SYNPO2: variants seen among roughly 807,000 people sequenced by gnomAD.
SYNPO2 encodes the protein synaptopodin-2.
SYNPO2 carries 56 observed loss-of-function variants against 85.0 expected under a neutral mutation model. The ratio of observed to expected loss-of-function variants is 0.66; its 90% CI spans 0.53 to 0.82. The LOEUF (loss-of-function observed/expected upper bound fraction) is 0.82, where lower values mean the gene tolerates loss of function less well. Ranked by LOEUF, SYNPO2 falls within the 40% of genes least tolerant of loss-of-function variation. SYNPO2 has a pLI of 0.00. For missense variants in SYNPO2, 1,575 were observed against 1,534.2 expected, an observed-to-expected ratio of 1.03 and a Z score of -0.44; for synonymous variants, 602 against 591.1, an observed-to-expected ratio of 1.02 and a Z score of -0.27.
At chr4:119,009,422 C>A (rs1178225597) in intron 1 of SYNPO2, among the ~76,000 whole-genome samples, 2 of 152,130 alleles carry the variant, frequency 1.3e-5, no homozygotes, top group African/African-American at 2.4e-5. Context: ...ATCTTCTAGT[C>A]TCCTTGAAAA....
intron 1 of SYNPO2, among the ~76,000 whole-genome samples, chr4:118,891,006 A>G (rs2149113739): frequency 6.6e-6 from 1 of 152,128 alleles, no homozygotes; most frequent in East Asian, 1.9e-4. Context: ...TCTGCATGTG[A>G]CGATTTCAAT....
At position 119,012,343 on chromosome 4, in the gene SYNPO2, T is replaced by C. The variant is rs1291306948; in HGVS notation, c.106-11087T>C. On this transcript the variant is annotated intron_variant, in intron 1 of 4. Coordinates refer to ENST00000307142, the MANE Select transcript of SYNPO2 (RefSeq NM_133477.3). ...GGTTGTTGGTTTTAGTCTTGCTCTT[T>C]TAGCACATGGTTCCTTTTTTTTCCC... 2.0e-5 allele frequency among the ~76,000 whole-genome samples: 3 copies of C among 151,824 alleles called. No homozygotes were observed. In the East Asian group the frequency reaches 5.8e-4, roughly 29 times the overall value.
intron 1 of SYNPO2, among the ~76,000 whole-genome samples, chr4:118,864,986 G>A (rs193050763): frequency 4.6e-5 from 7 of 152,270 alleles, no homozygotes; most frequent in African/African-American, 7.2e-5. Flanking sequence ...TCAAGGCATC[G>A]TAAAGGCAGA....
chr4:118,885,648 C>CT (rs1732186468), upstream of SYNPO2, among the ~76,000 whole-genome samples: 2 of 151,810 alleles, frequency 1.3e-5, no homozygotes, highest in South Asian at 4.2e-4. Flanking sequence ...AATTTTTGTA[C>CT]TTTTGGTAGA....
chr4:118,858,220 A>G (rs1731542959), intron 1 of SYNPO2, among the ~76,000 whole-genome samples: 1 of 151,994 alleles, frequency 6.6e-6, no homozygotes, highest in Non-Finnish European at 1.5e-5. Context: ...CAGGGAAGAT[A>G]GGGTCTCTCC....
intron 1 of SYNPO2, among the ~76,000 whole-genome samples, chr4:118,920,900 T>C (rs1056865467): frequency 2.0e-5 from 3 of 151,718 alleles, no homozygotes; most frequent in African/African-American, 7.3e-5. Context: ...TTTTTTCCTT[T>C]TTTTTTTTCT....
At chr4:118,881,386 C>T (rs114089324) in intron 1 of SYNPO2, among the ~76,000 whole-genome samples, 167 of 151,936 alleles carry the variant, frequency 1.1e-3, no homozygotes, top group African/African-American at 3.6e-3. Context: ...AGGGAAGTGA[C>T]CATCTGCAAG....
intron 1 of SYNPO2, among the ~76,000 whole-genome samples, chr4:118,859,084 G>A (rs988031062): frequency 2.0e-5 from 3 of 152,296 alleles, no homozygotes; most frequent in East Asian, 1.9e-4. Context: ...AAAGATTCCA[G>A]ATGAGTCTAG....
intron 1 of SYNPO2, among the ~76,000 whole-genome samples, chr4:118,991,170 C>T (rs1051071739): frequency 6.6e-5 from 10 of 152,118 alleles, no homozygotes; most frequent in East Asian, 1.9e-4. Flanking sequence ...TTTTTTGAGA[C>T]GGAGTCTTGC....
chr4:118,955,957 G>A (rs1734860194), intron 1 of SYNPO2, among the ~76,000 whole-genome samples: 1 of 152,136 alleles, frequency 6.6e-6, no homozygotes, highest in Admixed American at 6.6e-5. Context: ...ATAGATATGT[G>A]TTAAATAAAT....
intron 1 of SYNPO2, among the ~76,000 whole-genome samples, chr4:119,007,255 T>TATATATATATATATATATGTATATAC: frequency 2.3e-5 from 1 of 43,720 alleles, no homozygotes; most frequent in African/African-American, 8.4e-5. Context: ...TGTATATACA[T>TATATATATATATATATATGTATATAC]ATATATATAT....
intron 1 of SYNPO2, among the ~76,000 whole-genome samples, chr4:118,939,977 CT>C (rs111485944): frequency 0.061 from 7,347 of 119,754 alleles, 122 homozygotes; most frequent in East Asian, 0.15. Context: ...TTTCTCTCTT[CT>C]TTTTTTTTTT....
chr4:118,884,301 C>A (rs1238570175), upstream of SYNPO2, among the ~76,000 whole-genome samples: 4 of 152,242 alleles, frequency 2.6e-5, no homozygotes, highest in African/African-American at 9.6e-5. Flanking sequence ...TCTCTCCCAA[C>A]ACACCTTGTG....
At chr4:118,874,658 G>A (rs1731868764) in intron 1 of SYNPO2, among the ~76,000 whole-genome samples, 1 of 152,032 alleles carries the variant, frequency 6.6e-6, no homozygotes, top group Non-Finnish European at 1.5e-5. Flanking sequence ...GCTTTGTGGG[G>A]TCTAAACTGT....
rs764524011 is a variant in SYNPO2 at position 119,026,744 on chromosome 4, G to C, written c.375G>C (p.Lys125Asn). 13 of 1,614,040 alleles carry C rather than the reference G, an allele frequency of 8.1e-6. No homozygotes were observed. The highest frequency in any genetic ancestry group is 1.3e-5 in the African/African-American group (1 of 74,900). Residue 125 changes from lysine to asparagine, a missense_variant, in exon 3 of 5, where the codon AAG becomes AAC. Lys to Asn is a moderately conservative substitution (Grantham distance 94). Coordinates refer to ENST00000307142, the MANE Select transcript of SYNPO2 (RefSeq NM_133477.3). Reference sequence around the variant, plus strand: ...CCCTGCAGATTCGACCGGCCACAAAGACCCAGTGCACAGAATTCTTCCTCG... The same window carrying C: ...CCCTGCAGATTCGACCGGCCACAAACACCCAGTGCACAGAATTCTTCCTCG... ...STTLQIRPAT[K>N]TQCTEFFLAP...
rs923435455 is a variant in SYNPO2, at chr4:119,060,791, A to C, written c.*2857A>C. The C allele has an allele frequency of 2.6e-5, 4 of 152,204 alleles. No homozygotes were observed. Among genetic ancestry groups the C allele is most frequent in the African/African-American group, 7.2e-5 (3 of 41,454 alleles). The allele number at this position is 152,204 out of a possible 1,614,324, so 9.4% of individuals were successfully genotyped here. A position where few individuals can be genotyped will look rare whatever the true frequency, so the allele number is the denominator to read the frequency against. ...GCACTTTTCCTCCTTCTTAGGTTTA[A>C]ATGTTATACCAATGCATGTGTTTGA... On this transcript the variant is annotated 3_prime_UTR_variant, in exon 5 of 5. Transcript: ENST00000307142.
upstream of SYNPO2, among the ~76,000 whole-genome samples, chr4:118,888,611 G>A (rs1732253164): frequency 6.6e-6 from 1 of 152,170 alleles, no homozygotes; most frequent in Non-Finnish European, 1.5e-5. Context: ...ATTATTAAAT[G>A]TAAGTTTTTC....
At chr4:118,893,840 TA>T (rs34724275) in intron 1 of SYNPO2, among the ~76,000 whole-genome samples, 22,314 of 146,542 alleles carry the variant, frequency 0.15, 1,799 homozygotes, top group African/African-American at 0.19. Context: ...TCAAAATAGC[TA>T]AAAAAAAAAG....
chr4:119,007,024 T>G (rs1737055440), intron 1 of SYNPO2, among the ~76,000 whole-genome samples: 1 of 150,944 alleles, frequency 6.6e-6, no homozygotes. Context: ...GTTATGGACA[T>G]CACATTAGGC....
Sources: gnomAD v4.1 joint callset for allele counts (sites outside exome capture counted in the v4.1 genomes callset) on GRCh38, gnomAD v4.1.1 for gene constraint, MANE v1.5 for transcripts, NCBI Gene and HGNC (gene_info 2026-07-23, HGNC 2026-07-21) for gene names.